Variants in BMPR2 observed in about 807,000 individuals in gnomAD.
The protein encoded by BMPR2 is bone morphogenetic protein receptor type-2.
A neutral mutation model predicts 100.8 loss-of-function variants in BMPR2; 29 were observed. The observed-to-expected ratio is 0.29, with a 90% CI of 0.21 to 0.39. BMPR2 has a LOEUF of 0.39. BMPR2 is among the 10% of genes least tolerant of loss of function. The pLI is 1.00. For missense variants in BMPR2, 1,011 were observed against 1,274.5 expected (o/e 0.79, Z 3.15); for synonymous variants, 382 against 442.3 (o/e 0.86, Z 1.71).
chr2:202,446,080 A>T (rs979456468), intron 1 of BMPR2, among the ~76,000 whole-genome samples: 8 of 150,486 alleles, frequency 5.3e-5, no homozygotes, highest in Non-Finnish European at 1.0e-4. Flanking sequence ...GGCCACAAAC[A>T]ATTTTATACA....
At chr2:202,469,989 G>A (rs538532596) in intron 3 of BMPR2, among the ~76,000 whole-genome samples, 1 of 152,286 alleles carries the variant, frequency 6.6e-6, no homozygotes, top group Non-Finnish European at 1.5e-5. Flanking sequence ...GAGAAGATTT[G>A]TCTTTTAGTA....
intron 11 of BMPR2, among the ~76,000 whole-genome samples, chr2:202,553,594 G>T (rs535763977): frequency 2.6e-5 from 4 of 151,852 alleles, no homozygotes; most frequent in Non-Finnish European, 5.9e-5. Context: ...AAAACTTTCA[G>T]AAAGGCATCC....
Position 202,536,137 on chromosome 2 carries a change from G to C in BMPR2, c.1276+3405G>C, listed in dbSNP as rs79892602. On this transcript the variant is annotated intron_variant, in intron 9 of 12. Coordinates refer to ENST00000374580, the MANE Select transcript of BMPR2 (RefSeq NM_001204.7). ...CTAAATAAAATTTTTTTAAGAGACA[G>C]AGCCTCACTCTGTCACCTAGGCTGG... Among the ~76,000 whole-genome samples the C allele has an allele frequency of 1.7e-4, 26 of 152,198 alleles. No individual in the cohort carries two copies. The East Asian group carries it at 5.0e-3, about 29-fold the overall frequency.
intron 9 of BMPR2, among the ~76,000 whole-genome samples, chr2:202,534,236 A>T (rs1688082854): frequency 6.8e-6 from 1 of 148,104 alleles, no homozygotes; most frequent in Non-Finnish European, 1.5e-5. Context: ...TATATATATA[A>T]ATAAAATTTT....
intron 3 of BMPR2, among the ~76,000 whole-genome samples, chr2:202,509,586 A>G (rs1159609590): frequency 6.6e-6 from 1 of 151,740 alleles, no homozygotes; most frequent in East Asian, 1.9e-4. Flanking sequence ...TTATTATTAA[A>G]TTTTCAAATG....
At position 202,495,257 on chromosome 2, in the gene BMPR2, T is replaced by TTTA. The variant is rs921193241; in HGVS notation, c.419-18458_419-18456dup. On this transcript the variant is annotated intron_variant, in intron 3 of 12. Coordinates refer to ENST00000374580, the MANE Select transcript of BMPR2 (RefSeq NM_001204.7). The surrounding 1 kb of genome is among the most constrained non-coding windows in gnomAD (Gnocchi z 4.5). ...CTGGGCTTGGAGAATGAGTGCAAGG[T>TTTA]TTATTAGTAGAAGTAGCTCTCAGCA... 6.6e-6 allele frequency among the ~76,000 whole-genome samples: 1 copy of TTTA among 151,864 alleles called. No individual in the cohort carries two copies. The highest frequency in any genetic ancestry group is 2.4e-5 in the African/African-American group (1 of 41,340).
intron 10 of BMPR2, among the ~76,000 whole-genome samples, chr2:202,544,309 G>A (rs993474362): frequency 6.6e-6 from 1 of 152,088 alleles, no homozygotes; most frequent in African/African-American, 2.4e-5. Flanking sequence ...TCCTCCTTAA[G>A]TAATGTGTAT....
Position 202,464,821 on chromosome 2 carries a change from A to C in BMPR2, c.89A>C (p.Gln30Pro). The part of the protein sequence containing the change: ...LVSTAAASQN[Q>P]ERLCAFKDPY... ...TCCTTTATTTTAGCTTCGCAGAATC[A>C]AGAACGGCTATGTGCGTTTAAAGAT... The change falls in exon 2 of 13, where the codon CAA becomes CCA. Residue 30 changes from glutamine to proline, a missense_variant. By Grantham distance (76) the Gln-to-Pro change is moderately conservative (BLOSUM62 -1). This residue lies in a region of BMPR2 where 355 missense variants were observed against 455.3 expected (regional missense o/e 0.78). Transcript: ENST00000374580. The C allele has an allele frequency of 6.2e-7, 1 of 1,612,298 alleles. No homozygotes were observed. The highest frequency in any genetic ancestry group is 8.5e-7 in the Non-Finnish European group (1 of 1,179,348).
intron 3 of BMPR2, among the ~76,000 whole-genome samples, chr2:202,493,014 T>C (rs1692939433): frequency 6.6e-6 from 1 of 152,190 alleles, no homozygotes. Context: ...TTCATGGTCA[T>C]TTTCTGAAAA....
At chr2:202,520,306 G>C (rs1240653066) in intron 7 of BMPR2, 105 bp downstream of exon 7, 5 of 806,808 alleles carry the variant, frequency 6.2e-6, no homozygotes, top group African/African-American at 1.7e-5. Flanking sequence ...TATTATTGGA[G>C]ATTTATTATT....
In BMPR2 at chr2:202,565,825, TTTAAG is replaced by T. The variant is rs1407233129; in HGVS notation, c.*5882_*5886del. The T allele has an allele frequency of 2.6e-5, 4 of 152,184 alleles. No individual in the cohort carries two copies. In the East Asian group the frequency reaches 5.8e-4, roughly 22 times the overall value. 9.4% of individuals were successfully genotyped at this position (152,184 alleles called of 1,614,324 possible). A position where few individuals can be genotyped will look rare whatever the true frequency, so the allele number is the denominator to read the frequency against. ...TTTCATTTAACTTTTAGGTGACTGA[TTTAAG>T]TTGAGTGTGCATATAGAGAAAAACC... is the stretch of plus-strand genomic sequence containing the variant. On this transcript the variant is annotated 3_prime_UTR_variant, in exon 13 of 13. Transcript: ENST00000374580.
chr2:202,410,501 G>A (rs1415724052), intron 1 of BMPR2, among the ~76,000 whole-genome samples: 2 of 152,144 alleles, frequency 1.3e-5, no homozygotes, highest in African/African-American at 4.8e-5. Flanking sequence ...TCATAGTATT[G>A]GATTCGAATC....
chr2:202,551,720 G>A (rs1688480977), intron 10 of BMPR2, among the ~76,000 whole-genome samples: 1 of 151,994 alleles, frequency 6.6e-6, no homozygotes. Context: ...ATTCTTTTGA[G>A]GCGGAGTCTC....
intron 1 of BMPR2, among the ~76,000 whole-genome samples, chr2:202,386,398 T>C (rs1477655073): frequency 6.6e-6 from 1 of 152,178 alleles, no homozygotes; most frequent in Non-Finnish European, 1.5e-5. Context: ...AAATGTCAGT[T>C]CTATCCTTCC....
rs143911609 is a variant in BMPR2, at chr2:202,490,513, G to A, written c.418+22824G>A. The stretch of plus-strand genomic sequence containing the variant: ...GCATGTAAGAATGGACATCCAAAAT[G>A]TACCCACAATGATATAAATAAAAAA... On this transcript the variant is annotated intron_variant, in intron 3 of 12. Coordinates refer to ENST00000374580, the MANE Select transcript of BMPR2 (RefSeq NM_001204.7). Among the ~76,000 whole-genome samples, 234 of 152,302 alleles carry A rather than the reference G, an allele frequency of 1.5e-3. 1 individual carries two copies. Among genetic ancestry groups the A allele is most frequent in the African/African-American group, 5.5e-3 (228 of 41,562 alleles).
In BMPR2 at chr2:202,377,654, C is replaced by G. The variant is rs1191885312; in HGVS notation, c.76+104C>G. ...GTGCTTGCCCTTCGCCATGCGTCCC[C>G]CCGATCGCGGTGCAGCGGAGCTGCG... On this transcript the variant is annotated intron_variant, in intron 1 of 12. Transcript: ENST00000374580. 40 of 1,371,462 alleles carry G rather than the reference C, an allele frequency of 2.9e-5. No individual in the cohort carries two copies. The South Asian group carries it at 3.9e-4, about 13-fold the overall frequency. 85.0% of individuals were successfully genotyped at this position (1,371,462 alleles called of 1,614,324 possible). A position where few individuals can be genotyped will look rare whatever the true frequency, so the allele number is the denominator to read the frequency against.
chr2:202,409,438 GGA>G (rs2105915882), intron 1 of BMPR2, among the ~76,000 whole-genome samples: 1 of 152,168 alleles, frequency 6.6e-6, no homozygotes, highest in South Asian at 2.1e-4. Context: ...AAAACAGGCT[GGA>G]CATGGTGGCT....
At chr2:202,378,823 T>C (rs992919396) in intron 1 of BMPR2, among the ~76,000 whole-genome samples, 1 of 152,208 alleles carries the variant, frequency 6.6e-6, no homozygotes, top group Non-Finnish European at 1.5e-5. Flanking sequence ...TTAAATTCTC[T>C]AGCCATAAGC....
At chr2:202,435,782 T>C (rs1218691904) in intron 1 of BMPR2, among the ~76,000 whole-genome samples, 2 of 150,368 alleles carry the variant, frequency 1.3e-5, no homozygotes, top group African/African-American at 2.5e-5. Context: ...ACAGATACTA[T>C]TGTGTTGCAG....
Sources: allele counts gnomAD v4.1 joint callset (sites outside exome capture counted in the v4.1 genomes callset), GRCh38; gene constraint gnomAD v4.1.1; regional missense constraint gnomAD v4.1.1; non-coding constraint Gnocchi (gnomAD v3.1); transcripts MANE v1.5; gene names NCBI Gene and HGNC (gene_info 2026-07-23, HGNC 2026-07-21).